ZFPM2: variants seen among roughly 807,000 people sequenced by gnomAD.
ZFPM2 encodes the protein zinc finger protein ZFPM2.
In ZFPM2, 20 loss-of-function variants were observed where a neutral mutation model predicts 98.6. The ratio of observed to expected loss-of-function variants is 0.20; its 90% confidence interval spans 0.14 to 0.29. The LOEUF (loss-of-function observed/expected upper bound fraction) is 0.29, where lower values mean the gene tolerates loss of function less well. ZFPM2 is among the 10% of genes least tolerant of loss of function. The pLI, the probability that ZFPM2 is intolerant of heterozygous loss-of-function variation, is 1.00. For synonymous variants in ZFPM2, 518 were observed against 502.7 expected (o/e 1.03, Z -0.41); for missense variants, 1,310 against 1,388.6 (o/e 0.94, Z 0.90).
intron 1 of ZFPM2, among the ~76,000 whole-genome samples, chr8:105,366,508 A>G (rs1312901117): frequency 6.6e-6 from 1 of 151,228 alleles, no homozygotes; most frequent in Non-Finnish European, 1.5e-5. Flanking sequence ...AATTTTTTTC[A>G]TTTATTATTA....
At chr8:105,779,129 TG>T (rs1813184574) in intron 5 of ZFPM2, among the ~76,000 whole-genome samples, 3 of 152,294 alleles carry the variant, frequency 2.0e-5, no homozygotes, top group East Asian at 3.9e-4. Context: ...CCTTTTGTAT[TG>T]TTAGTGAGGA....
At position 105,802,487 on chromosome 8, in the gene ZFPM2, C is replaced by A. The variant is rs774419461; in HGVS notation, c.2405C>A (p.Ser802Tyr). 6.2e-7 allele frequency: 1 copy of A among 1,612,904 alleles called. No homozygotes were observed. Among genetic ancestry groups the A allele is most frequent in the African/African-American group, 1.3e-5 (1 of 75,038 alleles). ...PGIVSKHLET[S>Y]LTINKCVPVS... ...ATTGTCTCTAAACACTTGGAAACTT[C>A]TCTGACGATCAACAAGTGTGTTCCA... The change falls in exon 8 of 8, where the codon TCT (serine) becomes TAT (tyrosine). Residue 802 changes from serine to tyrosine, a missense_variant. Coordinates refer to ENST00000407775, the MANE Select transcript of ZFPM2 (RefSeq NM_012082.4).
At chr8:105,765,335 A>G (rs897853278) in intron 5 of ZFPM2, among the ~76,000 whole-genome samples, 11 of 151,756 alleles carry the variant, frequency 7.2e-5, no homozygotes, top group African/African-American at 2.4e-4. Context: ...TTTTCATATC[A>G]TTCAAGCCAC....
chr8:105,655,268 G>A (rs1817261742), intron 5 of ZFPM2, among the ~76,000 whole-genome samples: 1 of 123,322 alleles, frequency 8.1e-6, no homozygotes, highest in African/African-American at 3.1e-5. Context: ...TTTCGCTCAT[G>A]GTACCCAGGC....
At chr8:105,450,985 GA>G (rs1277102182) in intron 3 of ZFPM2, among the ~76,000 whole-genome samples, 17 of 145,114 alleles carry the variant, frequency 1.2e-4, no homozygotes, top group South Asian at 4.4e-4. Flanking sequence ...CAACCAAAAA[GA>G]AAAAAAAAAG....
chr8:105,364,631 A>G (rs769908222), intron 1 of ZFPM2, among the ~76,000 whole-genome samples: 3 of 151,656 alleles, frequency 2.0e-5, no homozygotes, highest in Non-Finnish European at 4.4e-5. Context: ...ATAAGTCTAC[A>G]TATAGTATCC....
chr8:105,469,306 C>T (rs1416264434), intron 3 of ZFPM2, among the ~76,000 whole-genome samples: 2 of 152,178 alleles, frequency 1.3e-5, no homozygotes, highest in Non-Finnish European at 1.5e-5. Flanking sequence ...GATGGCTTCA[C>T]TATTATGTGA....
chr8:105,353,229 C>G (rs1444413647), intron 1 of ZFPM2, among the ~76,000 whole-genome samples: 1 of 152,138 alleles, frequency 6.6e-6, no homozygotes, highest in African/African-American at 2.4e-5. Context: ...TCCCCCCACC[C>G]CATACTCTCA....
At chr8:105,613,071 A>T (rs1816338506) in intron 4 of ZFPM2, among the ~76,000 whole-genome samples, 1 of 152,282 alleles carries the variant, frequency 6.6e-6, no homozygotes, top group East Asian at 1.9e-4. Context: ...GGTTTATTTG[A>T]TTAAAACAGA....
Position 105,804,278 on chromosome 8 carries a change from A to G in ZFPM2, c.*740A>G, listed in dbSNP as rs745651240. The G allele has an allele frequency of 3.9e-5, 6 of 152,652 alleles. No individual in the cohort carries two copies. The highest frequency in any genetic ancestry group is 8.8e-5 in the Non-Finnish European group (6 of 68,040). The allele number at this position is 152,652 out of a possible 1,614,324, so 9.5% of individuals were successfully genotyped here. A position where few individuals can be genotyped will look rare whatever the true frequency, so the allele number is the denominator to read the frequency against. On this transcript the variant is annotated 3_prime_UTR_variant, in exon 8 of 8. Coordinates refer to ENST00000407775, the MANE Select transcript of ZFPM2 (RefSeq NM_012082.4). Reference sequence around the variant, plus strand: ...CAATACTTTATAAAGAATGAACAAAATTACTGGAAGCAGTATTGTAAGTAA... The same window carrying G: ...CAATACTTTATAAAGAATGAACAAAGTTACTGGAAGCAGTATTGTAAGTAA...
chr8:105,517,482 C>A (rs1813949427), intron 3 of ZFPM2, among the ~76,000 whole-genome samples: 1 of 152,002 alleles, frequency 6.6e-6, no homozygotes, highest in Non-Finnish European at 1.5e-5. Context: ...GAAATGATTA[C>A]CAACATCAAG....
chr8:105,421,481 AT>A (rs1378963237), intron 2 of ZFPM2, among the ~76,000 whole-genome samples: 1 of 152,098 alleles, frequency 6.6e-6, no homozygotes. Flanking sequence ...GAATTTCATT[AT>A]TTTACTCTTG....
chr8:105,327,705 T>C (rs1812139715), intron 1 of ZFPM2, among the ~76,000 whole-genome samples: 1 of 151,772 alleles, frequency 6.6e-6, no homozygotes, highest in Admixed American at 6.6e-5. Flanking sequence ...TTTGGAAGAG[T>C]GGCTTTAAAG....
intron 5 of ZFPM2, among the ~76,000 whole-genome samples, chr8:105,692,631 G>T (rs189538660): frequency 6.6e-6 from 1 of 152,324 alleles, no homozygotes; most frequent in South Asian, 2.1e-4. Context: ...AAGCCAAAGG[G>T]TTGGAATTGG....
chr8:105,671,837 T>A (rs1817604632), intron 5 of ZFPM2, among the ~76,000 whole-genome samples: 1 of 152,102 alleles, frequency 6.6e-6, no homozygotes, highest in Admixed American at 6.5e-5. Context: ...TTTTAATAGT[T>A]GGCAAAACTG....
At chr8:105,394,150 C>T (rs1399903484) in intron 1 of ZFPM2, among the ~76,000 whole-genome samples, 2 of 152,084 alleles carry the variant, frequency 1.3e-5, no homozygotes, top group Non-Finnish European at 2.9e-5. Context: ...GCCTCGGCCT[C>T]CCAAAGTGCT....
chr8:105,499,596 T>A (rs1186135289), intron 3 of ZFPM2, among the ~76,000 whole-genome samples: 2 of 152,316 alleles, frequency 1.3e-5, no homozygotes, highest in East Asian at 3.9e-4. Flanking sequence ...CATGGTCAGA[T>A]TCCCAAGCTC....
At chr8:105,355,972 G>A (rs1283830781) in intron 1 of ZFPM2, among the ~76,000 whole-genome samples, 1 of 152,068 alleles carries the variant, frequency 6.6e-6, no homozygotes, top group African/African-American at 2.4e-5. Context: ...GATAAAGCAC[G>A]CCCCATCTCT....
intron 4 of ZFPM2, among the ~76,000 whole-genome samples, chr8:105,607,073 T>G (rs1171477506): frequency 1.3e-5 from 2 of 152,166 alleles, no homozygotes; most frequent in Non-Finnish European, 2.9e-5. Context: ...GATTTTAAGA[T>G]TTCTACATAG....
Sources: gnomAD v4.1 joint callset for allele counts (sites outside exome capture counted in the v4.1 genomes callset) on GRCh38, gnomAD v4.1.1 for gene constraint, MANE v1.5 for transcripts, NCBI Gene and HGNC (gene_info 2026-07-23, HGNC 2026-07-21) for gene names.